BAZ2B: variants seen among roughly 807,000 people sequenced by gnomAD.
The protein encoded by BAZ2B is bromodomain adjacent to zinc finger domain protein 2B.
A neutral mutation model predicts 246.0 loss-of-function variants in BAZ2B; 91 were observed. The observed-to-expected ratio is 0.37, with a 90% CI of 0.31 to 0.44. BAZ2B has a LOEUF of 0.44. Among genes scored for constraint, BAZ2B ranks in the 20% least tolerant of loss-of-function variants. BAZ2B has a pLI of 1.00. For synonymous variants in BAZ2B, 855 were observed against 860.0 expected (o/e 0.99, Z 0.10); for missense variants, 2,332 against 2,533.7 (o/e 0.92, Z 1.71).
intron 20 of BAZ2B, among the ~76,000 whole-genome samples, chr2:159,390,211 C>T (rs1015917620): frequency 1.3e-5 from 2 of 152,126 alleles, no homozygotes; most frequent in Non-Finnish European, 2.9e-5. Flanking sequence ...AATTGGTTTA[C>T]TTTTGTAAGG....
intron 27 of BAZ2B, among the ~76,000 whole-genome samples, chr2:159,366,320 G>A (rs1179266615): frequency 6.6e-6 from 1 of 152,186 alleles, no homozygotes; most frequent in Non-Finnish European, 1.5e-5. Flanking sequence ...TAAATGCCAA[G>A]TGGATATAAA....
At chr2:159,492,745 C>CA (rs2080641506) in intron 2 of BAZ2B, among the ~76,000 whole-genome samples, 1 of 152,144 alleles carries the variant, frequency 6.6e-6, no homozygotes, top group South Asian at 2.1e-4. Context: ...AAAATTATCA[C>CA]AGATTTTAAA....
chr2:159,468,203 T>C (rs1028063645), intron 3 of BAZ2B, among the ~76,000 whole-genome samples: 3 of 152,140 alleles, frequency 2.0e-5, no homozygotes, highest in African/African-American at 7.2e-5. Flanking sequence ...ATTTACTAAG[T>C]GCACTCCCTC....
At chr2:159,610,249 G>C (rs1381434696) in intron 1 of BAZ2B, among the ~76,000 whole-genome samples, 1 of 152,102 alleles carries the variant, frequency 6.6e-6, no homozygotes, top group African/African-American at 2.4e-5. Flanking sequence ...CCTACTAGAA[G>C]ACTTTCACCA....
At chr2:159,380,736 G>GC (rs2061905054) in intron 25 of BAZ2B, among the ~76,000 whole-genome samples, 1 of 152,158 alleles carries the variant, frequency 6.6e-6, no homozygotes, top group Non-Finnish European at 1.5e-5. Context: ...ACAGGTACCA[G>GC]CCCCCAGTAA....
chr2:159,337,354 G>A (rs75975447), intron 32 of BAZ2B: 3 of 1,260,540 alleles, frequency 2.4e-6, no homozygotes, highest in African/African-American at 1.5e-5. Context: ...AGCATGATCC[G>A]TATGGATCAC....
At chr2:159,653,140 C>T in the BAZ2B span, among the ~76,000 whole-genome samples, 1 of 152,122 alleles carries the variant, frequency 6.6e-6, no homozygotes, top group East Asian at 1.9e-4. Flanking sequence ...AGGGTTTCAC[C>T]ATGTTGGCCA....
chr2:159,571,932 C>T (rs1184070323), intron 1 of BAZ2B, among the ~76,000 whole-genome samples: 1 of 152,206 alleles, frequency 6.6e-6, no homozygotes, highest in African/African-American at 2.4e-5. Context: ...GGCCTAATCA[C>T]ATCTTCAAGG....
Position 159,389,405 on chromosome 2 carries a change from T to C in BAZ2B, c.3156A>G (p.Glu1052=), listed in dbSNP as rs1170772323. 3.1e-6 allele frequency: 5 copies of C among 1,612,470 alleles called. No individual in the cohort carries two copies. The African/African-American group carries it at 4.0e-5, about 13-fold the overall frequency. ...TCTTTAGTTCCTTTGCCATTTCTAA[T>C]TCTAATCTTCGCTGCTCTAGTTTAC... ...KERKLEQRRL[E]LEMAKELKKP... is the part of the protein sequence containing the mutation. The change falls in exon 21 of 37, where the codon GAA becomes GAG. Residue 1052 remains glutamate (E), a synonymous_variant. Coordinates refer to ENST00000392783, the MANE Select transcript of BAZ2B (RefSeq NM_013450.4).
intron 13 of BAZ2B, among the ~76,000 whole-genome samples, chr2:159,415,719 T>C (rs1442621796): frequency 6.6e-6 from 1 of 152,174 alleles, no homozygotes; most frequent in Non-Finnish European, 1.5e-5. Context: ...CAACCAAAAA[T>C]AACCCAAAGT....
At chr2:159,461,580 C>T (rs1197427086) in intron 3 of BAZ2B, 1 of 152,448 alleles carries the variant, frequency 6.6e-6, no homozygotes, top group African/African-American at 2.4e-5. Context: ...GCACAAGATA[C>T]CTGTTATTCC....
At chr2:159,334,688 T>C (rs1575703264) in intron 33 of BAZ2B, among the ~76,000 whole-genome samples, 1 of 152,160 alleles carries the variant, frequency 6.6e-6, no homozygotes, top group Non-Finnish European at 1.5e-5. Flanking sequence ...TAAGAGTAGA[T>C]GAAGAACAAG....
At chr2:159,316,439 T>C (rs2062126433), downstream of BAZ2B, among the ~76,000 whole-genome samples, 1 of 151,950 alleles carries the variant, frequency 6.6e-6, no homozygotes. Flanking sequence ...ACGCCTGTAA[T>C]CCCAGCACTT....
At chr2:159,514,612 G>C (rs890773698) in intron 2 of BAZ2B, among the ~76,000 whole-genome samples, 1 of 152,166 alleles carries the variant, frequency 6.6e-6, no homozygotes, top group Admixed American at 6.6e-5. Context: ...ACTGGAGACT[G>C]TTCTGGATTC....
the BAZ2B span, among the ~76,000 whole-genome samples, chr2:159,669,155 C>T: frequency 6.6e-6 from 1 of 152,072 alleles, no homozygotes; most frequent in African/African-American, 2.4e-5. Flanking sequence ...GTTGTATTTT[C>T]ATTATCATTC....
Position 159,433,335 on chromosome 2 carries a change from T to A in BAZ2B, c.1322A>T (p.Gln441Leu). The A allele has an allele frequency of 1.2e-6, 2 of 1,613,550 alleles. No homozygotes were observed. Among genetic ancestry groups the A allele is most frequent in the Non-Finnish European group, 1.7e-6 (2 of 1,179,894 alleles). Residue 441 changes from glutamine (Q) to leucine (L), a missense_variant, in exon 9 of 37, where the codon CAG (glutamine) becomes CTG (leucine). Transcript: ENST00000392783. ...CTTCGATGACTCTTGTTTCTTTAAC[T>A]GTGATGGGAATGCCTGTTTATATTG... is the stretch of plus-strand genomic sequence containing the variant. ...REQYKQAFPSQLKKQESSKSL... is the reference protein window; with the variant it reads ...REQYKQAFPSLLKKQESSKSL...
At chr2:159,660,761 C>A in the BAZ2B span, among the ~76,000 whole-genome samples, 1 of 152,056 alleles carries the variant, frequency 6.6e-6, no homozygotes, top group African/African-American at 2.4e-5. Context: ...CCATGCCCAG[C>A]TAATTTTTAT....
intron 1 of BAZ2B, among the ~76,000 whole-genome samples, chr2:159,561,415 A>G (rs188714657): frequency 5.6e-4 from 85 of 152,340 alleles, no homozygotes; most frequent in Admixed American, 5.6e-3. Context: ...TGACAGCACC[A>G]TGCCTCTTGT....
chr2:159,431,242 A>T (rs1233978793), intron 9 of BAZ2B, 86 bp from the exon 10 acceptor site: 16 of 1,484,788 alleles, frequency 1.1e-5, no homozygotes, highest in Non-Finnish European at 1.3e-5. Flanking sequence ...TAGCTCAGGA[A>T]CCAGCACCTG....
Sources: allele counts gnomAD v4.1 joint callset (sites outside exome capture counted in the v4.1 genomes callset), GRCh38; gene constraint gnomAD v4.1.1; transcripts MANE v1.5; gene names NCBI Gene and HGNC (gene_info 2026-07-23, HGNC 2026-07-21).